SGCZ: variants seen among roughly 807,000 people sequenced by gnomAD.
SGCZ encodes zeta-sarcoglycan.
SGCZ carries 40 observed loss-of-function variants against 41.3 expected under a neutral mutation model. The ratio of observed to expected loss-of-function variants is 0.97; its 90% CI spans 0.75 to 1.26. The LOEUF is 1.26. SGCZ is among the 50% of genes most tolerant of loss of function. SGCZ has a pLI of 0.00. For missense variants in SGCZ, 552 were observed against 369.8 expected (o/e 1.49, Z -4.04); for synonymous variants, 206 against 137.5 (o/e 1.50, Z -3.49).
In SGCZ at chr8:15,225,444, A is replaced by C. The variant is rs138324576; in HGVS notation, c.39+12141T>G. On this transcript the variant is annotated intron_variant, in intron 1 of 7. Transcript: ENST00000382080. ...CAGAGGGAGAGGAACTGGCATGACTAAGTAGAACTTAGTCGTTCATTGAAG... is the reference window on the plus strand; with the variant it reads ...CAGAGGGAGAGGAACTGGCATGACTCAGTAGAACTTAGTCGTTCATTGAAG... Among the ~76,000 whole-genome samples the C allele has an allele frequency of 8.4e-3, 1,282 of 152,334 alleles. 15 individuals are homozygous for C. Among genetic ancestry groups the C allele is most frequent in the Non-Finnish European group, 0.01 (702 of 68,024 alleles).
intron 1 of SGCZ, among the ~76,000 whole-genome samples, chr8:15,015,961 A>C (rs1803017641): frequency 1.3e-5 from 2 of 151,864 alleles, no homozygotes; most frequent in Non-Finnish European, 2.9e-5. Context: ...GTATGGACTA[A>C]TACTATTTGT....
At chr8:14,864,574 A>G (rs1272893761) in intron 1 of SGCZ, among the ~76,000 whole-genome samples, 2 of 152,296 alleles carry the variant, frequency 1.3e-5, no homozygotes, top group East Asian at 3.9e-4. Context: ...ATCAATTAAT[A>G]ATAAGATTTA....
At chr8:14,210,188 G>T (rs149722543) in intron 4 of SGCZ, among the ~76,000 whole-genome samples, 1 of 152,240 alleles carries the variant, frequency 6.6e-6, no homozygotes, top group Non-Finnish European at 1.5e-5. Flanking sequence ...CTCCCAAGTA[G>T]CTGGGAATAC....
intron 5 of SGCZ, among the ~76,000 whole-genome samples, chr8:14,129,708 G>C (rs1056530665): frequency 6.6e-6 from 1 of 151,110 alleles, no homozygotes; most frequent in Non-Finnish European, 1.5e-5. Flanking sequence ...AATCAAAAAA[G>C]ACATTAAGAA....
At chr8:15,064,534 CAAAAAAAAA>C (rs199980199) in intron 1 of SGCZ, among the ~76,000 whole-genome samples, 2 of 132,078 alleles carry the variant, frequency 1.5e-5, no homozygotes, top group African/African-American at 6.7e-5. Flanking sequence ...CCAGGCCTCT[CAAAAAAAAA>C]AAAAAAAAAA....
Position 15,210,183 on chromosome 8 carries a change from T to C in SGCZ, c.39+27402A>G, listed in dbSNP as rs116324882. ...GGTAGAAAGAATTAGAATCCTACCA[T>C]CATCGAGCTGCAGAATTAACTGTGG... is the stretch of plus-strand genomic sequence containing the variant. On this transcript the variant is annotated intron_variant, in intron 1 of 7. Transcript: ENST00000382080. Among the ~76,000 whole-genome samples the C allele has an allele frequency of 2.8e-3, 431 of 152,274 alleles. 3 individuals carry two copies. The highest frequency in any genetic ancestry group is 9.8e-3 in the African/African-American group (407 of 41,552).
chr8:14,641,521 G>A (rs868589450), intron 1 of SGCZ, among the ~76,000 whole-genome samples: 12 of 151,728 alleles, frequency 7.9e-5, no homozygotes, highest in Middle Eastern at 3.4e-3. Context: ...AACGTTTTTA[G>A]AGTTTCCAAG....
intron 1 of SGCZ, among the ~76,000 whole-genome samples, chr8:14,950,243 G>A (rs1027419421): frequency 2.6e-5 from 4 of 151,946 alleles, no homozygotes; most frequent in Non-Finnish European, 4.4e-5. Flanking sequence ...GGGTCTTTAC[G>A]GGAAACAATA....
chr8:15,017,877 T>C (rs78417356), intron 1 of SGCZ, among the ~76,000 whole-genome samples: 1,575 of 152,214 alleles, frequency 0.01, 25 homozygotes, highest in African/African-American at 0.036. Flanking sequence ...TTCTCACAAA[T>C]GCTCTTATCT....
intron 4 of SGCZ, among the ~76,000 whole-genome samples, chr8:14,185,707 G>A (rs562968151): frequency 6.6e-6 from 1 of 152,028 alleles, no homozygotes; most frequent in South Asian, 2.1e-4. Flanking sequence ...CTATATCCCT[G>A]CTCACTCATC....
chr8:14,967,839 C>A (rs1462064145), intron 1 of SGCZ, among the ~76,000 whole-genome samples: 1 of 152,124 alleles, frequency 6.6e-6, no homozygotes, highest in African/African-American at 2.4e-5. Context: ...TTACTCTCTG[C>A]CTAAATCTGC....
intron 1 of SGCZ, among the ~76,000 whole-genome samples, chr8:14,654,391 T>C (rs936184693): frequency 2.0e-5 from 3 of 152,050 alleles, no homozygotes; most frequent in Non-Finnish European, 4.4e-5. Context: ...GTGGGGAAGA[T>C]GATGGTCATG....
chr8:14,570,943 A>C (rs926198426), intron 1 of SGCZ, among the ~76,000 whole-genome samples: 5 of 152,254 alleles, frequency 3.3e-5, no homozygotes, highest in Admixed American at 6.5e-5. Flanking sequence ...AATTTTACAG[A>C]TATTAAATAA....
chr8:14,658,071 A>G (rs1412010234), intron 1 of SGCZ, among the ~76,000 whole-genome samples: 1 of 152,174 alleles, frequency 6.6e-6, no homozygotes, highest in African/African-American at 2.4e-5. Flanking sequence ...TGGACACAAC[A>G]TTATGCCATG....
At chr8:14,740,834 G>C (rs1386532128) in intron 1 of SGCZ, among the ~76,000 whole-genome samples, 6 of 151,926 alleles carry the variant, frequency 3.9e-5, no homozygotes, top group African/African-American at 1.4e-4. Context: ...GTAGATGTAA[G>C]GGCAAACACC....
At chr8:14,608,032 C>G (rs1357738214) in intron 1 of SGCZ, among the ~76,000 whole-genome samples, 8 of 152,148 alleles carry the variant, frequency 5.3e-5, no homozygotes, top group Non-Finnish European at 1.5e-5. Context: ...AGTAAGATTA[C>G]AATGTCACTG....
At chr8:14,742,060 G>A (rs903674412) in intron 1 of SGCZ, among the ~76,000 whole-genome samples, 2 of 151,860 alleles carry the variant, frequency 1.3e-5, no homozygotes, top group Non-Finnish European at 2.9e-5. Context: ...ATGATAACTG[G>A]AGTATAGTAC....
intron 1 of SGCZ, among the ~76,000 whole-genome samples, chr8:14,961,506 A>G (rs1357925082): frequency 1.3e-5 from 2 of 152,112 alleles, no homozygotes; most frequent in Non-Finnish European, 2.9e-5. Context: ...CCATTCACAT[A>G]ATTTTTATCA....
chr8:14,554,896 G>C lies in SGCZ; in HGVS notation c.70C>G (p.Gln24Glu), dbSNP rs1803985371. ...TCAGTCCTTGGCAGGTTATTCTGTT[G>C]GGTTGCTAGTATGTATTGTTCTCGT... The part of the protein sequence containing the change: ...MTREQYILAT[Q>E]QNNLPRTENA... The change falls in exon 2 of 8, where the codon CAA (glutamine) becomes GAA (glutamate). Residue 24 changes from glutamine to glutamate, a missense_variant. Coordinates refer to ENST00000382080, the MANE Select transcript of SGCZ (RefSeq NM_139167.4). The C allele has an allele frequency of 3.1e-6, 5 of 1,612,126 alleles. No individual in the cohort carries two copies. Among genetic ancestry groups the C allele is most frequent in the Admixed American group, 1.7e-5 (1 of 59,780 alleles).
Sources: allele counts gnomAD v4.1 joint callset (sites outside exome capture counted in the v4.1 genomes callset), GRCh38; gene constraint gnomAD v4.1.1; transcripts MANE v1.5; gene names NCBI Gene and HGNC (gene_info 2026-07-23, HGNC 2026-07-21).